The following ANKRD18A variants were observed in gnomAD, a reference collection of about 807,000 sequenced individuals.
The protein encoded by ANKRD18A is ankyrin repeat domain-containing protein 18A.
ANKRD18A carries 72 observed loss-of-function variants against 110.6 expected under a neutral mutation model. The ratio of observed to expected loss-of-function variants is 0.65; its 90% CI spans 0.54 to 0.79. ANKRD18A has a LOEUF of 0.79. Ranked by LOEUF, ANKRD18A falls within the 30% of genes least tolerant of loss-of-function variation. The probability of loss-of-function intolerance (pLI) is 0.00; values close to 1 mark genes in which losing one functional copy is unlikely to be tolerated. For synonymous variants in ANKRD18A, 305 were observed against 410.3 expected (o/e 0.74, Z 3.10); for missense variants, 934 against 1,163.3 (o/e 0.80, Z 2.87).
intron 6 of ANKRD18A, 43 bp downstream of exon 6, chr9:38,607,383 A>C (rs1260360629): frequency 7.0e-7 from 1 of 1,427,734 alleles, no homozygotes; most frequent in Admixed American, 2.7e-5. Context: ...AAAATCAGTA[A>C]GATCACCAAG....
chr9:38,592,321 C>A (rs755742541), intron 10 of ANKRD18A, among the ~76,000 whole-genome samples: 5 of 152,158 alleles, frequency 3.3e-5, no homozygotes, highest in Non-Finnish European at 5.9e-5. Flanking sequence ...TCCCTTTAAG[C>A]AAATTTATGT....
At chr9:38,566,738 A>C (rs1231992776), downstream of ANKRD18A, 1 of 152,210 alleles carries the variant, frequency 6.6e-6, no homozygotes, top group African/African-American at 2.4e-5. Flanking sequence ...GAAATCTTTC[A>C]ATCTTTGTGC....
At chr9:38,575,401 A>G in intron 15 of ANKRD18A, 75 bp downstream of exon 15, 2 of 1,387,120 alleles carry the variant, frequency 1.4e-6, no homozygotes, top group Non-Finnish European at 9.7e-7. Flanking sequence ...AACAGAACTC[A>G]GTATTTCATC....
At chr9:38,589,966 T>A (rs1715985890) in intron 10 of ANKRD18A, among the ~76,000 whole-genome samples, 1 of 152,208 alleles carries the variant, frequency 6.6e-6, no homozygotes, top group South Asian at 2.1e-4. Flanking sequence ...TAGACAATAT[T>A]CTCAACCACA....
Position 38,571,583 on chromosome 9 carries a change from T to C in ANKRD18A, c.*462A>G, listed in dbSNP as rs112835728. 1.9e-3 allele frequency: 1,910 copies of C among 1,011,860 alleles called. 33 individuals carry two copies. The African/African-American group carries it at 0.03, about 16-fold the overall frequency. 62.7% of individuals were successfully genotyped at this position (1,011,860 alleles called of 1,614,324 possible). On this transcript the variant is annotated 3_prime_UTR_variant, in exon 16 of 16. Transcript: ENST00000399703. ...TACAAGAAGAAAACCGTAACACTAG[T>C]ATGGACAAACCTGGCAGATACTCTT...
At chr9:38,571,145 T>C, downstream of ANKRD18A, 3 of 1,534,410 alleles carry the variant, frequency 2.0e-6, no homozygotes, top group Non-Finnish European at 2.6e-6. Context: ...ACAGTGGTTC[T>C]TCTGTTGGGG....
intron 5 of ANKRD18A, among the ~76,000 whole-genome samples, chr9:38,609,480 C>T (rs3005828): frequency 2.0e-5 from 3 of 151,296 alleles, no homozygotes; most frequent in East Asian, 1.9e-4. Context: ...GACTCCGTCT[C>T]GAAAAAAACA....
downstream of ANKRD18A, chr9:38,567,232 G>A (rs983472885): frequency 1.3e-5 from 2 of 152,222 alleles, no homozygotes; most frequent in African/African-American, 4.8e-5. Context: ...CATATTAACT[G>A]TTTCCTACAC....
At chr9:38,569,733 C>G (rs535034747), downstream of ANKRD18A, among the ~76,000 whole-genome samples, 1 of 152,100 alleles carries the variant, frequency 6.6e-6, no homozygotes, top group Non-Finnish European at 1.5e-5. Flanking sequence ...ACAGGTGCAC[C>G]CAGGTCCTCA....
chr9:38,568,438 C>G (rs902405188), downstream of ANKRD18A: 3 of 152,076 alleles, frequency 2.0e-5, no homozygotes, highest in Admixed American at 2.0e-4. Context: ...ACCAACCTCA[C>G]TCGCTGCCAG....
chr9:38,617,474 C>T (rs1428069793), intron 1 of ANKRD18A, among the ~76,000 whole-genome samples: 6 of 151,998 alleles, frequency 3.9e-5, no homozygotes, highest in Non-Finnish European at 8.8e-5. Context: ...CAAAAAGAAA[C>T]GTGAAGCTAA....
chr9:38,608,561 ATAAC>A (rs1825458326), intron 5 of ANKRD18A, among the ~76,000 whole-genome samples: 2 of 147,334 alleles, frequency 1.4e-5, no homozygotes, highest in African/African-American at 4.9e-5. Flanking sequence ...TATATAATCT[ATAAC>A]TATATAATAA....
At chr9:38,603,542 A>G (rs528975487) in intron 6 of ANKRD18A, among the ~76,000 whole-genome samples, 20 of 152,176 alleles carry the variant, frequency 1.3e-4, no homozygotes, top group African/African-American at 4.6e-4. Context: ...AGTCATGCCT[A>G]TTCACTGACA....
At position 38,571,831 on chromosome 9, in the gene ANKRD18A, C is replaced by T. The variant is rs191531032; in HGVS notation, c.*214G>A. ...TCATTTAAAATAACATATAAATATACACCATATGTGACATGAAAATATTCT... is the reference window on the plus strand; with the variant it reads ...TCATTTAAAATAACATATAAATATATACCATATGTGACATGAAAATATTCT... On this transcript the variant is annotated 3_prime_UTR_variant, in exon 16 of 16. Coordinates refer to ENST00000399703, the MANE Select transcript of ANKRD18A (RefSeq NM_147195.4). The T allele has an allele frequency of 3.7e-5, 45 of 1,225,898 alleles. No homozygotes were observed. In the African/African-American group the frequency reaches 6.7e-4, roughly 18 times the overall value. 75.9% of individuals were successfully genotyped at this position (1,225,898 alleles called of 1,614,324 possible).
intron 14 of ANKRD18A, 37 bp from the exon 15 acceptor site, chr9:38,575,735 T>G: frequency 6.6e-7 from 1 of 1,507,684 alleles, no homozygotes; most frequent in Non-Finnish European, 8.9e-7. Context: ...TAGTATTTCA[T>G]TTTTCCTTGA....
rs184980888 is a variant in ANKRD18A, at chr9:38,586,334, T to A, written c.2118-22A>T. On this transcript the variant is annotated intron_variant, in intron 11 of 15. Coordinates refer to ENST00000399703, the MANE Select transcript of ANKRD18A (RefSeq NM_147195.4). ...ATATCTGCAGAAATGTAAGAACTAGTAAGTCAAGTATTTTTAAGAGTAAAT... is the reference window on the plus strand; with the variant it reads ...ATATCTGCAGAAATGTAAGAACTAGAAAGTCAAGTATTTTTAAGAGTAAAT... The A allele has an allele frequency of 1.4e-3, 2,086 of 1,507,728 alleles. 23 individuals are homozygous for A. The African/African-American group carries it at 0.025, about 18-fold the overall frequency. 93.4% of individuals were successfully genotyped at this position (1,507,728 alleles called of 1,614,324 possible).
chr9:38,597,719 T>A (rs1183195597), intron 8 of ANKRD18A, among the ~76,000 whole-genome samples: 2 of 152,158 alleles, frequency 1.3e-5, no homozygotes, highest in African/African-American at 2.4e-5. Context: ...GGAGGCCTCA[T>A]CTGCTTTTAC....
In ANKRD18A at chr9:38,577,959, T is replaced by C; in HGVS notation, c.2437A>G (p.Met813Val). 3 of 1,586,360 alleles carry C rather than the reference T, an allele frequency of 1.9e-6. No homozygotes were observed. Among genetic ancestry groups the C allele is most frequent in the African/African-American group, 1.4e-5 (1 of 74,008 alleles). Reference sequence around the variant, plus strand: ...TCTTGTAGTTTACCAAGTTCTACCATATCTTTTTCCATATGTGTCTTAAGA... The same window carrying C: ...TCTTGTAGTTTACCAAGTTCTACCACATCTTTTTCCATATGTGTCTTAAGA... ...LNLKTHMEKDMVELGKLQEYK... is the reference protein window; with the variant it reads ...LNLKTHMEKDVVELGKLQEYK... The change falls in exon 13 of 16, where the codon ATG (methionine) becomes GTG (valine). Residue 813 changes from methionine (M) to valine (V), a missense_variant. Around this residue, in one of 4 missense-constraint regions of ANKRD18A, gnomAD observed 223 missense variants for 226.7 expected, o/e 0.98. Transcript: ENST00000399703.
At chr9:38,615,075 A>G (rs1205040126) in intron 3 of ANKRD18A, among the ~76,000 whole-genome samples, 2 of 152,218 alleles carry the variant, frequency 1.3e-5, no homozygotes, top group Admixed American at 1.3e-4. Flanking sequence ...AACAAACTAA[A>G]AAACAAAACC....
Sources: allele counts gnomAD v4.1 joint callset (sites outside exome capture counted in the v4.1 genomes callset), GRCh38; gene constraint gnomAD v4.1.1; regional missense constraint gnomAD v4.1.1; transcripts MANE v1.5; gene names NCBI Gene and HGNC (gene_info 2026-07-23, HGNC 2026-07-21).